The following FXYD4 variants were observed in gnomAD, a reference collection of about 807,000 sequenced individuals.
The protein encoded by FXYD4 is FXYD domain containing ion transport regulator 4, also known as FXYD domain-containing ion transport regulator 4.
FXYD4 carries 14 observed loss-of-function variants against 18.3 expected under a neutral mutation model. The observed-to-expected ratio is 0.77, with a 90% CI of 0.51 to 1.20. The LOEUF is 1.20. Ranked by LOEUF, FXYD4 falls within the 50% of genes most tolerant of loss-of-function variation. The pLI is 0.00. For synonymous variants in FXYD4, 40 were observed against 40.5 expected, an observed-to-expected ratio of 0.99 and a Z score of 0.04; for missense variants, 99 against 106.1, an observed-to-expected ratio of 0.93 and a Z score of 0.29.
chr10:43,373,212 C>T (rs758328659), intron 2 of FXYD4, among the ~76,000 whole-genome samples: 2 of 152,080 alleles, frequency 1.3e-5, no homozygotes, highest in Non-Finnish European at 2.9e-5. Context: ...CAGGCCCAGA[C>T]CTTTGGGAAC....
In FXYD4 at chr10:43,374,593, T is replaced by G. The variant is rs1384968373; in HGVS notation, c.71-20T>G. The G allele has an allele frequency of 1.2e-6, 2 of 1,613,696 alleles. No homozygotes were observed. The highest frequency in any genetic ancestry group is 2.2e-5 in the South Asian group (2 of 91,060). On this transcript the variant is annotated intron_variant, in intron 4 of 8. Coordinates refer to ENST00000476166, the MANE Select transcript of FXYD4 (RefSeq NM_173160.3). ...TCTCCTGGTTCTGGTTCTGAAGTCT[T>G]TTTGCCCCACTTTTTCTAGCCAATA... is the stretch of plus-strand genomic sequence containing the variant.
At chr10:43,375,476 C>G (rs773190513) in intron 5 of FXYD4, 23 bp from the exon 6 acceptor site, 8 of 1,599,326 alleles carry the variant, frequency 5.0e-6, no homozygotes, top group South Asian at 4.4e-5. Context: ...CTGGTGCAAG[C>G]TCACTCTCTG....
Position 43,376,219 on chromosome 10 carries a change from C to T in FXYD4, c.*53C>T. The T allele has an allele frequency of 6.2e-7, 1 of 1,600,154 alleles. No individual in the cohort carries two copies. The highest frequency in any genetic ancestry group is 8.6e-7 in the Non-Finnish European group (1 of 1,169,108). ...TGAAGCCTAACACTGGCCCCCAGCACCTCCTCCCCTGGGAGGCCTTATCCT... is the reference window on the plus strand; with the variant it reads ...TGAAGCCTAACACTGGCCCCCAGCATCTCCTCCCCTGGGAGGCCTTATCCT... On this transcript the variant is annotated 3_prime_UTR_variant, in exon 9 of 9. Coordinates refer to ENST00000476166, the MANE Select transcript of FXYD4 (RefSeq NM_173160.3).
At position 43,371,686 on chromosome 10, in the gene FXYD4, G is replaced by A. The variant is rs1837809634; in HGVS notation, c.-290G>A. The A allele has an allele frequency of 1.3e-5, 2 of 152,282 alleles. No homozygotes were observed. Among genetic ancestry groups the A allele is most frequent in the African/African-American group, 4.8e-5 (2 of 41,536 alleles). 9.4% of individuals were successfully genotyped at this position (152,282 alleles called of 1,614,324 possible). On this transcript the variant is annotated 5_prime_UTR_variant, in exon 1 of 9. In the 5' UTR this introduces an upstream ATG that the reference lacks. Coordinates refer to ENST00000476166, the MANE Select transcript of FXYD4 (RefSeq NM_173160.3). ...CCAGCTCAGGTGAGCCCTCGCCAAG[G>A]TGACCTCGCAGGTGAGCAGGCGTCC...
intron 5 of FXYD4, 126 bp downstream of exon 5, chr10:43,374,765 CTG>C: frequency 1.2e-6 from 1 of 820,352 alleles, no homozygotes; most frequent in Non-Finnish European, 2.2e-6. Context: ...AACCTGGTCT[CTG>C]TGAGAGCGTC....
At chr10:43,375,381 G>T in intron 5 of FXYD4, 118 bp from the exon 6 acceptor site, 1 of 744,778 alleles carries the variant, frequency 1.3e-6, no homozygotes, top group Non-Finnish European at 2.4e-6. Context: ...TGCCTCTGTT[G>T]CTGGCTTGTC....
chr10:43,374,706 G>A, intron 5 of FXYD4, 67 bp downstream of exon 5: 2 of 1,283,660 alleles, frequency 1.6e-6, no homozygotes, highest in Middle Eastern at 1.8e-4. Flanking sequence ...TAGACAAGTT[G>A]GTGAGGGGTA....
At position 43,375,649 on chromosome 10, in the gene FXYD4, C is replaced by G. The variant is rs758747967; in HGVS notation, c.173-46C>G. On this transcript the variant is annotated intron_variant, in intron 6 of 8. Coordinates refer to ENST00000476166, the MANE Select transcript of FXYD4 (RefSeq NM_173160.3). Reference sequence around the variant, plus strand: ...GGGTGGGGCAGAAAGAGAGAGTGCTCTCATTCCAGCACTGACCCTGGCGCT... The same window carrying G: ...GGGTGGGGCAGAAAGAGAGAGTGCTGTCATTCCAGCACTGACCCTGGCGCT... 56 of 1,609,544 alleles carry G rather than the reference C, an allele frequency of 3.5e-5. 2 individuals are homozygous for G. The Middle Eastern group carries it at 5.4e-3, about 157-fold the overall frequency.
chr10:43,371,916 T>C (rs10899794), intron 1 of FXYD4, among the ~76,000 whole-genome samples: 28,427 of 151,434 alleles, frequency 0.19, 3,471 homozygotes, highest in African/African-American at 0.34. Flanking sequence ...TGGTGGGGTA[T>C]ACCTCTGGTC....
intron 5 of FXYD4, among the ~76,000 whole-genome samples, chr10:43,375,021 C>CTTTTTT (rs964746350): frequency 3.2e-5 from 3 of 93,564 alleles, no homozygotes; most frequent in African/African-American, 1.0e-4. Context: ...ATGTCCACTT[C>CTTTTTT]TTTTTTTTTT....
Position 43,375,857 on chromosome 10 carries a change from T to C in FXYD4, c.212+123T>C. On this transcript the variant is annotated intron_variant, in intron 7 of 8. Transcript: ENST00000476166. ...CTTGCAGCTGGCTTTGTTATTCAGA[T>C]AGTCAACCCTGAAGGGCCCCAGTCA... 3 of 1,234,372 alleles carry C rather than the reference T, an allele frequency of 2.4e-6. No individual in the cohort carries two copies. The South Asian group carries it at 3.6e-5, about 15-fold the overall frequency. 76.5% of individuals were successfully genotyped at this position (1,234,372 alleles called of 1,614,324 possible).
intron 7 of FXYD4, 41 bp downstream of exon 7, chr10:43,375,775 A>G: frequency 6.3e-7 from 1 of 1,596,806 alleles, no homozygotes; most frequent in Non-Finnish European, 8.6e-7. Flanking sequence ...TCGGGGCAGA[A>G]CTACGGGGGG....
chr10:43,372,924 G>A (rs1030868402), intron 2 of FXYD4, among the ~76,000 whole-genome samples, 152 bp downstream of exon 2: 1 of 152,102 alleles, frequency 6.6e-6, no homozygotes, highest in Non-Finnish European at 1.5e-5. Context: ...GGGCTGGGAG[G>A]GGGCCTGCGC....
chr10:43,374,321 G>T, intron 3 of FXYD4, 149 bp from the exon 4 acceptor site: 1 of 774,620 alleles, frequency 1.3e-6, no homozygotes, highest in Non-Finnish European at 2.3e-6. Flanking sequence ...GCCACACCCT[G>T]AGGCTGTGTG....
Position 43,376,242 on chromosome 10 carries a change from C to T in FXYD4, c.*76C>T, listed in dbSNP as rs537404181. 6 of 1,526,998 alleles carry T rather than the reference C, an allele frequency of 3.9e-6. No individual in the cohort carries two copies. The highest frequency in any genetic ancestry group is 1.7e-5 in the Admixed American group (1 of 59,422). 94.6% of individuals were successfully genotyped at this position (1,526,998 alleles called of 1,614,324 possible). A position where few individuals can be genotyped will look rare whatever the true frequency, so the allele number is the denominator to read the frequency against. ...CACCTCCTCCCCTGGGAGGCCTTAT[C>T]CTCAAGGAAGGACTTCTCTCCAAGG... On this transcript the variant is annotated 3_prime_UTR_variant, in exon 9 of 9. Transcript: ENST00000476166.
rs1176800508 is a variant in FXYD4 at position 43,375,549 on chromosome 10, A to C, written c.148A>C (p.Ile50Leu). 1 of 1,613,872 alleles carries C rather than the reference A, an allele frequency of 6.2e-7. No individual in the cohort carries two copies. Among genetic ancestry groups the C allele is most frequent in the East Asian group, 2.2e-5 (1 of 44,868 alleles). Residue 50 changes from isoleucine (I) to leucine (L), a missense_variant, in exon 6 of 9, where the codon ATT (isoleucine) becomes CTT (leucine). Physicochemically the swap from Ile to Leu is conservative, Grantham distance 5 (BLOSUM62 2). Transcript: ENST00000476166. ...ACTGATCTGCGGAGGGCTCCTGGCC[A>C]TTGCTGGGATCGCGGCAGTTCTGAG... ...SGLICGGLLA[I>L]AGIAAVLSGK... is the part of the protein sequence containing the mutation.
chr10:43,375,925 G>A (rs760704222), intron 7 of FXYD4, 107 bp from the exon 8 acceptor site: 3 of 1,309,806 alleles, frequency 2.3e-6, no homozygotes, highest in Non-Finnish European at 2.2e-6. Context: ...ACCATGGAAG[G>A]AGAGCAAGGA....
Position 43,375,680 on chromosome 10 carries a change from C to T in FXYD4, c.173-15C>T, listed in dbSNP as rs747253505. 1.1e-5 allele frequency: 18 copies of T among 1,608,366 alleles called. No individual in the cohort carries two copies. The highest frequency in any genetic ancestry group is 5.5e-5 in the South Asian group (5 of 90,950). On this transcript the variant is annotated splice_polypyrimidine_tract_variant and intron_variant, in intron 6 of 8. Transcript: ENST00000476166. ...CCAGCACTGACCCTGGCGCTGACCC[C>T]TCTCTCTCTCCCAGGTGGCAAATGC...
chr10:43,371,904 G>A (rs1359018361), intron 1 of FXYD4, among the ~76,000 whole-genome samples: 3 of 151,886 alleles, frequency 2.0e-5, no homozygotes, highest in Admixed American at 6.6e-5. Context: ...GAATATATGA[G>A]CTGGTGGGGT....
Sources: allele counts gnomAD v4.1 joint callset (sites outside exome capture counted in the v4.1 genomes callset), GRCh38; gene constraint gnomAD v4.1.1; transcripts MANE v1.5; gene names NCBI Gene and HGNC (gene_info 2026-07-23, HGNC 2026-07-21).